ACAP1: variants seen among roughly 807,000 people sequenced by gnomAD.
ACAP1 encodes the protein ArfGAP with coiled-coil, ankyrin repeat and PH domains 1, also known as arf-GAP with coiled-coil, ANK repeat and PH domain-containing protein 1.
In ACAP1, 45 loss-of-function variants were observed where a neutral mutation model predicts 98.8. The observed-to-expected ratio is 0.46, with a 90% CI of 0.36 to 0.58. The LOEUF is 0.58. ACAP1 is among the 20% of genes least tolerant of loss of function. ACAP1 has a pLI of 0.00. For synonymous variants in ACAP1, 362 were observed against 375.3 expected (o/e 0.96, Z 0.41); for missense variants, 735 against 971.4 (o/e 0.76, Z 3.24).
rs1297365748 is a variant in ACAP1 at position 7,343,394 on chromosome 17, C to T, written c.360C>T (p.Phe120=). Residue 120 remains phenylalanine, a synonymous_variant, in exon 6 of 22, where the codon TTC becomes TTT. Transcript: ENST00000158762. The surrounding 1 kb of genome is among the most constrained non-coding windows in gnomAD (Gnocchi z 4.9). The part of the protein sequence containing the change: ...QTLVKEGLRG[F]REARRDFWRG... ...CCATCCTCAGAGGTCTGCGGGGTTTCCGAGAGGCTCGCCGGGATTTCTGGC... is the reference window on the plus strand; with the variant it reads ...CCATCCTCAGAGGTCTGCGGGGTTTTCGAGAGGCTCGCCGGGATTTCTGGC... 1 of 1,613,146 alleles carries T rather than the reference C, an allele frequency of 6.2e-7. No individual in the cohort carries two copies. The highest frequency in any genetic ancestry group is 2.2e-5 in the East Asian group (1 of 44,876).
At chr17:7,349,480 A>G (rs1037642085) in intron 18 of ACAP1, 1 of 287,708 alleles carries the variant, frequency 3.5e-6, no homozygotes, top group Non-Finnish European at 6.5e-6. Flanking sequence ...GGTTCACACC[A>G]TTCTCCTGCC....
chr17:7,342,618 G>A, intron 5 of ACAP1, 144 bp downstream of exon 5: 1 of 947,962 alleles, frequency 1.1e-6, no homozygotes, highest in South Asian at 1.6e-5. Context: ...ACAAAAATTA[G>A]GCCGGGCACG....
chr17:7,348,400 C>T lies in ACAP1; in HGVS notation c.1603C>T (p.Arg535Cys), dbSNP rs757055997. The change falls in exon 17 of 22, where the codon CGC becomes TGC. Residue 535 changes from arginine (R) to cysteine (C), a missense_variant. By Grantham distance (180) the Arg-to-Cys change is radical. Around this residue, in one of 5 missense-constraint regions of ACAP1, gnomAD observed 80 missense variants for 64.4 expected, o/e 1.24. Coordinates refer to ENST00000158762, the MANE Select transcript of ACAP1 (RefSeq NM_014716.4). ...EIRGRRGGRG[R>C]PRGQPPVPPK... Reference sequence around the variant, plus strand: ...TCGAGGGCGAAGAGGTGGCCGGGGGCGCCCAAGGGGGCAGCCTCCTGTGCC... The same window carrying T: ...TCGAGGGCGAAGAGGTGGCCGGGGGTGCCCAAGGGGGCAGCCTCCTGTGCC... The T allele has an allele frequency of 1.9e-5, 29 of 1,549,998 alleles. No homozygotes were observed. The East Asian group carries it at 2.7e-4, about 15-fold the overall frequency.
rs775381291 is a variant in ACAP1 at position 7,350,249 on chromosome 17, T to A, written c.2072+12T>A. On this transcript the variant is annotated intron_variant, in intron 20 of 21. Coordinates refer to ENST00000158762, the MANE Select transcript of ACAP1 (RefSeq NM_014716.4). The surrounding 1 kb of genome is among the most constrained non-coding windows in gnomAD (Gnocchi z 4.6). ...GACATCGTCACCCTGTAAGAATGCC[T>A]GAAGGGGCGGGGCTGGCGCTGGGAC... The A allele has an allele frequency of 6.2e-7, 1 of 1,610,400 alleles. No individual in the cohort carries two copies. Among genetic ancestry groups the A allele is most frequent in the African/African-American group, 1.3e-5 (1 of 74,806 alleles).
Position 7,349,029 on chromosome 17 carries a change from T to C in ACAP1, c.1713T>C (p.Pro571=). ...PPSEDLGSLH[P]GALLFRASGH... Reference sequence around the variant, plus strand: ...CTGAGGACCTGGGAAGCCTGCACCCTGGGGCCCTACTGTTTCGAGCGTCTG... The same window carrying C: ...CTGAGGACCTGGGAAGCCTGCACCCCGGGGCCCTACTGTTTCGAGCGTCTG... The change falls in exon 18 of 22, where the codon CCT becomes CCC. Residue 571 remains proline (P), a synonymous_variant. Transcript: ENST00000158762. 1 of 1,613,746 alleles carries C rather than the reference T, an allele frequency of 6.2e-7. No homozygotes were observed. The highest frequency in any genetic ancestry group is 8.5e-7 in the Non-Finnish European group (1 of 1,179,948).
chr17:7,346,508 G>A lies in ACAP1; in HGVS notation c.1007+17G>A, dbSNP rs1030376809. On this transcript the variant is annotated intron_variant, in intron 12 of 21. Transcript: ENST00000158762. ...CACCAGCAAGTGAGTGCAATCCCCA[G>A]GGGTGATACTCTAATATATCTAAAC... 3.2e-6 allele frequency: 5 copies of A among 1,576,544 alleles called. No homozygotes were observed. The African/African-American group carries it at 6.8e-5, about 21-fold the overall frequency.
At chr17:7,337,840 CG>C in intron 2 of ACAP1, among the ~76,000 whole-genome samples, 1 of 151,608 alleles carries the variant, frequency 6.6e-6, no homozygotes, top group African/African-American at 2.4e-5. Context: ...GGCGACAGAG[CG>C]AGACTCTGTG....
intron 18 of ACAP1, 109 bp downstream of exon 18, chr17:7,349,276 C>G: frequency 6.6e-6 from 8 of 1,204,626 alleles, no homozygotes; most frequent in Non-Finnish European, 9.3e-6. Flanking sequence ...CTAGGGCTTC[C>G]ACCCATAGGG....
chr17:7,349,179 G>A lies in ACAP1; in HGVS notation c.1851+12G>A. 1 of 1,613,390 alleles carries A rather than the reference G, an allele frequency of 6.2e-7. No individual in the cohort carries two copies. The highest frequency in any genetic ancestry group is 1.3e-5 in the African/African-American group (1 of 74,956). The stretch of plus-strand genomic sequence containing the variant: ...AGGCCACAGCTGCTGTAAGAGCCCT[G>A]CTGACCTCTCCACCCCACCCTAGGG... On this transcript the variant is annotated intron_variant, in intron 18 of 21. Transcript: ENST00000158762.
chr17:7,346,566 A>G (rs1422557689), intron 12 of ACAP1, 75 bp downstream of exon 12: 6 of 1,340,312 alleles, frequency 4.5e-6, no homozygotes, highest in African/African-American at 2.9e-5. Context: ...GCCCACCACA[A>G]TGGAGGCCCC....
In ACAP1 at chr17:7,350,170, C is replaced by A; in HGVS notation, c.2005C>A (p.Arg669=). 1 of 1,614,180 alleles carries A rather than the reference C, an allele frequency of 6.2e-7. No individual in the cohort carries two copies. Among genetic ancestry groups the A allele is most frequent in the Non-Finnish European group, 8.5e-7 (1 of 1,180,018 alleles). ...FLKRGADLGA[R]DSEGRDPLTI... is the part of the protein sequence containing the mutation. Reference sequence around the variant, plus strand: ...GAAACGGGGAGCTGATCTGGGGGCTCGAGACTCTGAAGGCAGGGACCCTCT... The same window carrying A: ...GAAACGGGGAGCTGATCTGGGGGCTAGAGACTCTGAAGGCAGGGACCCTCT... Residue 669 remains arginine (R), a synonymous_variant, in exon 20 of 22, where the codon CGA becomes AGA. Coordinates refer to ENST00000158762, the MANE Select transcript of ACAP1 (RefSeq NM_014716.4). This position sits in a 1 kb window ranked among gnomAD's most constrained non-coding sequence, Gnocchi z 4.6.
intron 15 of ACAP1, 42 bp from the exon 16 acceptor site, chr17:7,348,085 C>T (rs1321176894): frequency 1.2e-6 from 2 of 1,611,444 alleles, no homozygotes; most frequent in African/African-American, 2.7e-5. Context: ...AGTCACTCAC[C>T]CCCACCTTCC....
chr17:7,342,371 C>A (rs967981065), intron 4 of ACAP1, 43 bp downstream of exon 4: 1 of 1,613,858 alleles, frequency 6.2e-7, no homozygotes, highest in Non-Finnish European at 8.5e-7. Flanking sequence ...GTGGCCAGGT[C>A]ACCTGTGGTC....
Position 7,350,834 on chromosome 17 carries a change from T to A in ACAP1, c.2073-116T>A. 1 of 976,312 alleles carries A rather than the reference T, an allele frequency of 1.0e-6. No individual in the cohort carries two copies. The highest frequency in any genetic ancestry group is 1.4e-5 in the South Asian group (1 of 73,210). The allele number at this position is 976,312 out of a possible 1,614,324, so 60.5% of individuals were successfully genotyped here. A position where few individuals can be genotyped will look rare whatever the true frequency, so the allele number is the denominator to read the frequency against. ...ACCATGTTGGCCAGGACGGTCTCGA[T>A]CTCCTGACCTCGTGATCCGCCTGCC... On this transcript the variant is annotated intron_variant, in intron 20 of 21. Transcript: ENST00000158762. This position sits in a 1 kb window ranked among gnomAD's most constrained non-coding sequence, Gnocchi z 4.6.
rs780387671 is a variant in ACAP1, at chr17:7,347,031, G to A, written c.1132G>A (p.Gly378Ser). The A allele has an allele frequency of 6.3e-7, 1 of 1,579,512 alleles. No individual in the cohort carries two copies. Among genetic ancestry groups the A allele is most frequent in the Non-Finnish European group, 8.6e-7 (1 of 1,158,364 alleles). The change falls in exon 14 of 22, where the codon GGC becomes AGC. Residue 378 changes from glycine (G) to serine (S), a missense_variant and splice_region_variant. Around this residue, in one of 5 missense-constraint regions of ACAP1, gnomAD observed 430 missense variants for 531.8 expected, o/e 0.81. Coordinates refer to ENST00000158762, the MANE Select transcript of ACAP1 (RefSeq NM_014716.4). ...LDDSPRGPGQ[G>S]SGHLAIGSAA... ...CCCTTTCTTCCCCTCTCTCCCCCAG[G>A]GCTCAGGACACCTGGCCATAGGCTC...
At chr17:7,340,335 A>G (rs1027161160) in intron 2 of ACAP1, among the ~76,000 whole-genome samples, 1 of 152,236 alleles carries the variant, frequency 6.6e-6, no homozygotes, top group African/African-American at 2.4e-5. Context: ...GCACATATCA[A>G]CAGTTTGTTC....
intron 10 of ACAP1, chr17:7,345,651 TTTTTC>T (rs1177941061): frequency 1.3e-5 from 2 of 150,852 alleles, no homozygotes; most frequent in Non-Finnish European, 2.9e-5. Flanking sequence ...TCTTTTTTTC[TTTTTC>T]TTTTTTTTTC....
Position 7,348,421 on chromosome 17 carries a change from G to A in ACAP1, c.1624G>A (p.Val542Met). 6.6e-7 allele frequency: 1 copy of A among 1,525,186 alleles called. No individual in the cohort carries two copies. The highest frequency in any genetic ancestry group is 8.8e-7 in the Non-Finnish European group (1 of 1,137,660). 94.5% of individuals were successfully genotyped at this position (1,525,186 alleles called of 1,614,324 possible). Residue 542 changes from valine to methionine, a missense_variant, in exon 17 of 22, where the codon GTG becomes ATG. Around this residue, in one of 5 missense-constraint regions of ACAP1, gnomAD observed 80 missense variants for 64.4 expected, o/e 1.24. Coordinates refer to ENST00000158762, the MANE Select transcript of ACAP1 (RefSeq NM_014716.4). ...GRGRPRGQPP[V>M]PPKPSIRPRP... ...GGGGCGCCCAAGGGGGCAGCCTCCTGTGCCCCCAAAGCCTTCCATCAGGCC... is the reference window on the plus strand; with the variant it reads ...GGGGCGCCCAAGGGGGCAGCCTCCTATGCCCCCAAAGCCTTCCATCAGGCC...
intron 18 of ACAP1, 132 bp downstream of exon 18, chr17:7,349,299 T>G: frequency 1.1e-6 from 1 of 950,646 alleles, no homozygotes; most frequent in Non-Finnish European, 1.5e-6. Context: ...AGATCAACAA[T>G]AGAGACTGGT....
Sources: allele counts gnomAD v4.1 joint callset (sites outside exome capture counted in the v4.1 genomes callset), GRCh38; gene constraint gnomAD v4.1.1; regional missense constraint gnomAD v4.1.1; non-coding constraint Gnocchi (gnomAD v3.1); transcripts MANE v1.5; gene names NCBI Gene and HGNC (gene_info 2026-07-23, HGNC 2026-07-21).